The following PPARG variants were observed in gnomAD, a reference collection of about 807,000 sequenced individuals.
The protein encoded by PPARG is peroxisome proliferator-activated receptor gamma.
Under a neutral mutation model 39.2 loss-of-function variants are expected in PPARG, and 17 were observed. The observed-to-expected ratio is 0.43, with a 90% CI of 0.30 to 0.65. The LOEUF is 0.65. Among genes scored for constraint, PPARG ranks in the 30% least tolerant of loss-of-function variants. PPARG has a pLI of 0.13. For missense variants in PPARG, 406 were observed against 585.9 expected (o/e 0.69, Z 3.17); for synonymous variants, 223 against 215.7 (o/e 1.03, Z -0.30).
At chr3:12,408,529 T>C (rs1250837174) in intron 6 of PPARG, among the ~76,000 whole-genome samples, 1 of 151,512 alleles carries the variant, frequency 6.6e-6, no homozygotes, top group Non-Finnish European at 1.5e-5. Flanking sequence ...TAAAGCAAAC[T>C]ATCTACAGTT....
intron 7 of PPARG, 44 bp downstream of exon 7, chr3:12,417,198 T>G (rs1278729822): frequency 6.3e-7 from 1 of 1,591,564 alleles, no homozygotes; most frequent in Admixed American, 1.7e-5. Flanking sequence ...GGTGGGATGA[T>G]GGTGGGGTGG....
rs1048579176 is a variant in PPARG at position 12,328,191 on chromosome 3, G to C, written c.-9+15738G>C. 11 of 1,402,618 alleles carry C rather than the reference G, an allele frequency of 7.8e-6. No individual in the cohort carries two copies. The African/African-American group carries it at 1.4e-4, about 18-fold the overall frequency. 86.9% of individuals were successfully genotyped at this position (1,402,618 alleles called of 1,614,324 possible). A position where few individuals can be genotyped will look rare whatever the true frequency, so the allele number is the denominator to read the frequency against. Reference sequence around the variant, plus strand: ...TAGCGAAGAAAAAATTAAAGAACTAGAACAGAAAAAGTCCTACCTGGAGCG... The same window carrying C: ...TAGCGAAGAAAAAATTAAAGAACTACAACAGAAAAAGTCCTACCTGGAGCG... On this transcript the variant is annotated intron_variant, in intron 2 of 7. Coordinates refer to ENST00000651735, the MANE Select transcript of PPARG (RefSeq NM_138711.6).
At chr3:12,390,637 C>CTTTTTTTTTTTTTTT (rs35190152) in intron 4 of PPARG, among the ~76,000 whole-genome samples, 3 of 92,352 alleles carry the variant, frequency 3.2e-5, no homozygotes, top group East Asian at 3.1e-4. Flanking sequence ...TATTTTCTTC[C>CTTTTTTTTTTTTTTT]TTTTTTTTTT....
chr3:12,382,442 TG>T (rs1368462064), intron 4 of PPARG, among the ~76,000 whole-genome samples: 1 of 152,198 alleles, frequency 6.6e-6, no homozygotes, highest in East Asian at 1.9e-4. Flanking sequence ...CAGAATAAAC[TG>T]TTCATAAATA....
chr3:12,374,702 T>C (rs1037160152), intron 2 of PPARG, among the ~76,000 whole-genome samples: 1 of 152,114 alleles, frequency 6.6e-6, no homozygotes, highest in Non-Finnish European at 1.5e-5. Flanking sequence ...CAATATTGGT[T>C]CATCAGTTAT....
At chr3:12,422,213 C>T (rs2051287285) in intron 7 of PPARG, among the ~76,000 whole-genome samples, 1 of 152,190 alleles carries the variant, frequency 6.6e-6, no homozygotes, top group Non-Finnish European at 1.5e-5. Flanking sequence ...TACTGCCTAC[C>T]ATTCGTTGAA....
intron 2 of PPARG, among the ~76,000 whole-genome samples, chr3:12,358,088 T>C (rs187429650): frequency 1.3e-5 from 2 of 152,322 alleles, no homozygotes; most frequent in Non-Finnish European, 2.9e-5. Context: ...GGCACAAATA[T>C]GTTTTGAATT....
intron 4 of PPARG, among the ~76,000 whole-genome samples, chr3:12,383,554 T>C (rs1236974826): frequency 6.6e-6 from 1 of 152,194 alleles, no homozygotes; most frequent in Non-Finnish European, 1.5e-5. Context: ...GAAACCATTC[T>C]GTTTTGGTCA....
At chr3:12,393,939 A>G (rs1175160622) in intron 5 of PPARG, among the ~76,000 whole-genome samples, 2 of 152,202 alleles carry the variant, frequency 1.3e-5, no homozygotes, top group Non-Finnish European at 2.9e-5. Context: ...TGTATTTTGA[A>G]TAGAGCTATC....
intron 2 of PPARG, among the ~76,000 whole-genome samples, chr3:12,316,280 AT>A (rs1217923317): frequency 6.6e-6 from 1 of 152,110 alleles, no homozygotes; most frequent in African/African-American, 2.4e-5. Context: ...TCAACCCTGA[AT>A]TTTTTTGCCG....
In PPARG at chr3:12,408,567, CTTTTT is replaced by C. The variant is rs397945616; in HGVS notation, c.729+2501_729+2505del. Among the ~76,000 whole-genome samples, 3 of 113,260 alleles carry C rather than the reference CTTTTT, an allele frequency of 2.6e-5. No individual in the cohort carries two copies. The Admixed American group carries it at 2.9e-4, about 11-fold the overall frequency. 74.3% of individuals were successfully genotyped at this position (113,260 alleles called of 152,430 possible). Reference sequence around the variant, plus strand: ...GGTTAGTTTTCTTTTCTTTTCTTTTCTTTTTTTTTTTTTTTTTTTGAGGTGGGGTC... The same window carrying C: ...GGTTAGTTTTCTTTTCTTTTCTTTTCTTTTTTTTTTTTTTGAGGTGGGGTC... On this transcript the variant is annotated intron_variant, in intron 6 of 7. Transcript: ENST00000651735.
At chr3:12,328,264 G>A (rs1200482644) in intron 2 of PPARG, 2 of 1,504,658 alleles carry the variant, frequency 1.3e-6, no homozygotes, top group East Asian at 2.4e-5. Context: ...CTGATGGCAC[G>A]AAGGGCCCAG....
chr3:12,432,641 C>T (rs376357616), intron 7 of PPARG, among the ~76,000 whole-genome samples: 3 of 152,204 alleles, frequency 2.0e-5, no homozygotes, highest in African/African-American at 7.2e-5. Flanking sequence ...AGCCAACACA[C>T]TATGGCAAGA....
intron 5 of PPARG, among the ~76,000 whole-genome samples, chr3:12,399,979 G>C (rs1164294310): frequency 2.7e-5 from 4 of 149,040 alleles, no homozygotes; most frequent in African/African-American, 9.9e-5. Flanking sequence ...GAAAGACCCT[G>C]TCTCTAAAAA....
chr3:12,308,529 T>A (rs2047140986), intron 1 of PPARG, among the ~76,000 whole-genome samples: 1 of 152,120 alleles, frequency 6.6e-6, no homozygotes, highest in African/African-American at 2.4e-5. Context: ...ATGCTATTAT[T>A]AAAACTTAAA....
intron 5 of PPARG, among the ~76,000 whole-genome samples, chr3:12,397,503 C>T (rs1041276285): frequency 1.3e-5 from 2 of 151,096 alleles, no homozygotes; most frequent in African/African-American, 2.4e-5. Flanking sequence ...CTCCACCTCC[C>T]GGATTCACAC....
At chr3:12,383,859 A>G (rs1478451807) in intron 4 of PPARG, among the ~76,000 whole-genome samples, 1 of 152,094 alleles carries the variant, frequency 6.6e-6, no homozygotes, top group Non-Finnish European at 1.5e-5. Context: ...AAGAGAAGAG[A>G]GAGGAGGAAA....
At chr3:12,352,367 C>T (rs994195024) in intron 2 of PPARG, among the ~76,000 whole-genome samples, 5 of 152,190 alleles carry the variant, frequency 3.3e-5, no homozygotes, top group African/African-American at 1.2e-4. Context: ...CAAGTGACTA[C>T]CTATTAACTT....
chr3:12,369,352 AGTG>A (rs1321444079), intron 2 of PPARG, among the ~76,000 whole-genome samples: 1 of 152,066 alleles, frequency 6.6e-6, no homozygotes, highest in Non-Finnish European at 1.5e-5. Flanking sequence ...ATTAGCCAGC[AGTG>A]GTGGTGCATG....
Sources: gnomAD v4.1 joint callset for allele counts (sites outside exome capture counted in the v4.1 genomes callset) on GRCh38, gnomAD v4.1.1 for gene constraint, MANE v1.5 for transcripts, NCBI Gene and HGNC (gene_info 2026-07-23, HGNC 2026-07-21) for gene names.